Variants in LRRTM1 observed in about 807,000 individuals in gnomAD.
LRRTM1 encodes leucine-rich repeat transmembrane neuronal protein 1.
A neutral mutation model predicts 37.3 loss-of-function variants in LRRTM1; 8 were observed. The ratio of observed to expected loss-of-function variants is 0.21; its 90% CI spans 0.13 to 0.39. The LOEUF (loss-of-function observed/expected upper bound fraction) is 0.39, where lower values mean the gene tolerates loss of function less well. Among genes scored for constraint, LRRTM1 ranks in the 10% least tolerant of loss-of-function variants. The pLI, the probability that LRRTM1 is intolerant of heterozygous loss-of-function variation, is 1.00. For missense variants in LRRTM1, 557 were observed against 691.0 expected (o/e 0.81, Z 2.17); for synonymous variants, 326 against 316.8 (o/e 1.03, Z -0.31).
At chr2:80,290,955 A>C (rs1012440834) in intron 2 of LRRTM1, among the ~76,000 whole-genome samples, 2 of 152,318 alleles carry the variant, frequency 1.3e-5, no homozygotes, top group Non-Finnish European at 2.9e-5. Context: ...ATTCCCTGCT[A>C]GTATAGATTC....
chr2:80,291,813 G>A (rs1412133132), intron 2 of LRRTM1, among the ~76,000 whole-genome samples: 1 of 152,192 alleles, frequency 6.6e-6, no homozygotes, highest in East Asian at 1.9e-4. Flanking sequence ...AAAACTGGAA[G>A]ATGTGTGTGC....
chr2:80,294,370 C>T (rs1052065369), intron 2 of LRRTM1, among the ~76,000 whole-genome samples: 1 of 152,136 alleles, frequency 6.6e-6, no homozygotes, highest in African/African-American at 2.4e-5. Flanking sequence ...TCTATCAGTG[C>T]CACCAGATGG....
At chr2:80,294,644 T>A (rs115633619) in intron 2 of LRRTM1, among the ~76,000 whole-genome samples, 1,533 of 151,940 alleles carry the variant, frequency 0.01, 10 homozygotes, top group Middle Eastern at 0.027. Context: ...TTAAAAAAAA[T>A]AATAATAATA....
rs549451198 is a variant in LRRTM1, at chr2:80,292,906, C to CT, written c.*307-3712dup. Among the ~76,000 whole-genome samples, 90 of 152,058 alleles carry CT rather than the reference C, an allele frequency of 5.9e-4. No individual in the cohort carries two copies. The East Asian group carries it at 6.8e-3, about 11-fold the overall frequency. On this transcript the variant is annotated intron_variant and NMD_transcript_variant, in intron 2 of 2. Transcript: ENST00000417012. ...TTTTCTTTCCTACAGCATGTTTGCTCTTTTTTTTGTACCTTTATGATTTTT... is the reference window on the plus strand; with the variant it reads ...TTTTCTTTCCTACAGCATGTTTGCTCTTTTTTTTTGTACCTTTATGATTTTT...
chr2:80,290,439 A>C (rs1305905211), intron 2 of LRRTM1, among the ~76,000 whole-genome samples: 1 of 152,004 alleles, frequency 6.6e-6, no homozygotes, highest in Non-Finnish European at 1.5e-5. Context: ...AGAAAGTAAA[A>C]GCGTCATGAA....
At chr2:80,291,816 G>A (rs1210363006) in intron 2 of LRRTM1, among the ~76,000 whole-genome samples, 1 of 152,204 alleles carries the variant, frequency 6.6e-6, no homozygotes, top group African/African-American at 2.4e-5. Context: ...ACTGGAAGAT[G>A]TGTGTGCACA....
At chr2:80,301,792 T>TC (rs112468247), downstream of LRRTM1, 11,656 of 153,152 alleles carry the variant, frequency 0.076, 1,342 homozygotes, top group African/African-American at 0.25. Flanking sequence ...CCTGGACAAC[T>TC]CCCTCCCCAC....
At chr2:80,296,729 G>A (rs1483989800) in intron 2 of LRRTM1, among the ~76,000 whole-genome samples, 1 of 152,126 alleles carries the variant, frequency 6.6e-6, no homozygotes, top group Non-Finnish European at 1.5e-5. Context: ...GACATTTTAG[G>A]TCAAATAATT....
Position 80,303,073 on chromosome 2 carries a change from G to A in LRRTM1, c.747C>T (p.Val249=), listed in dbSNP as rs770677457. 6.2e-7 allele frequency: 1 copy of A among 1,614,016 alleles called. No homozygotes were observed. Among genetic ancestry groups the A allele is most frequent in the Non-Finnish European group, 8.5e-7 (1 of 1,180,026 alleles). The change falls in exon 2 of 2, where the codon GTC becomes GTT. Residue 249 remains valine, a synonymous_variant. Coordinates refer to ENST00000295057, the MANE Select transcript of LRRTM1 (RefSeq NM_178839.5). This position sits in a 1 kb window ranked among gnomAD's most constrained non-coding sequence, Gnocchi z 7.7. ...GGTTCCAAACCCAGTCCAGCGAGCT[G>A]ACCACAATGGCCACCTTGTTCCTCC... ...CLRRNKVAIV[V]SSLDWVWNLE...
In LRRTM1 at chr2:80,303,168, G is replaced by T. The variant is rs748585296; in HGVS notation, c.652C>A (p.His218Asn). ...AAGTTCACCTTGACCAAGTCGTTGT[G>T]CTCGAGGTGCAGCTCGGTGAGCTTA... is the stretch of plus-strand genomic sequence containing the variant. The part of the protein sequence containing the change: ...LFKLTELHLE[H>N]NDLVKVNFAH... The change falls in exon 2 of 2, where the codon CAC becomes AAC. Residue 218 changes from histidine to asparagine, a missense_variant. His to Asn is a moderately conservative substitution (Grantham distance 68, BLOSUM62 1). This residue lies in a region of LRRTM1 where 200 missense variants were observed against 249.9 expected (regional missense o/e 0.80). Coordinates refer to ENST00000295057, the MANE Select transcript of LRRTM1 (RefSeq NM_178839.5). The surrounding 1 kb of genome is among the most constrained non-coding windows in gnomAD (Gnocchi z 7.7). 3 of 1,614,098 alleles carry T rather than the reference G, an allele frequency of 1.9e-6. No homozygotes were observed. The highest frequency in any genetic ancestry group is 2.5e-6 in the Non-Finnish European group (3 of 1,179,998).
downstream of LRRTM1, among the ~76,000 whole-genome samples, chr2:80,297,122 G>A (rs1460591161): frequency 6.6e-6 from 1 of 152,174 alleles, no homozygotes; most frequent in Admixed American, 6.5e-5. Flanking sequence ...AGTGACCAGA[G>A]CAAACAAGTC....
At position 80,303,501 on chromosome 2, in the gene LRRTM1, C is replaced by G; in HGVS notation, c.319G>C (p.Asp107His). The G allele has an allele frequency of 2.5e-6, 4 of 1,614,222 alleles. No individual in the cohort carries two copies. Among genetic ancestry groups the G allele is most frequent in the Non-Finnish European group, 3.4e-6 (4 of 1,180,042 alleles). ...DHNHICSVQG[D>H]AFQKLRRVKE... ...ACTCGGCGCAGTTTCTGAAAGGCGTCCCCCTGCACGGAGCAGATGTGATTG... is the reference window on the plus strand; with the variant it reads ...ACTCGGCGCAGTTTCTGAAAGGCGTGCCCCTGCACGGAGCAGATGTGATTG... The change falls in exon 2 of 2, where the codon GAC becomes CAC. Residue 107 changes from aspartate (D) to histidine (H), a missense_variant. By Grantham distance (81) the Asp-to-His change is moderately conservative (BLOSUM62 -1). Coordinates refer to ENST00000295057, the MANE Select transcript of LRRTM1 (RefSeq NM_178839.5). The surrounding 1 kb of genome is among the most constrained non-coding windows in gnomAD (Gnocchi z 7.7).
chr2:80,303,073 G>T lies in LRRTM1; in HGVS notation c.747C>A (p.Val249=), dbSNP rs770677457. The change falls in exon 2 of 2, where the codon GTC becomes GTA. Residue 249 remains valine (V), a synonymous_variant. Transcript: ENST00000295057. The surrounding 1 kb of genome is among the most constrained non-coding windows in gnomAD (Gnocchi z 7.7). ...GGTTCCAAACCCAGTCCAGCGAGCT[G>T]ACCACAATGGCCACCTTGTTCCTCC... ...CLRRNKVAIV[V]SSLDWVWNLE... is the part of the protein sequence containing the mutation. 26 of 1,613,898 alleles carry T rather than the reference G, an allele frequency of 1.6e-5. No homozygotes were observed. Among genetic ancestry groups the T allele is most frequent in the Non-Finnish European group, 1.9e-5 (23 of 1,180,034 alleles).
At chr2:80,294,581 C>T (rs892589724) in intron 2 of LRRTM1, among the ~76,000 whole-genome samples, 5 of 151,980 alleles carry the variant, frequency 3.3e-5, no homozygotes, top group South Asian at 2.1e-4. Flanking sequence ...GTAGGCAACC[C>T]GCTAGCTCAG....
At chr2:80,293,815 G>A (rs1675481768) in intron 2 of LRRTM1, among the ~76,000 whole-genome samples, 2 of 152,290 alleles carry the variant, frequency 1.3e-5, no homozygotes, top group Admixed American at 6.5e-5. Flanking sequence ...TTGGTGTTAG[G>A]GGTATTTGGA....
downstream of LRRTM1, chr2:80,298,404 G>T (rs1675951001): frequency 6.6e-6 from 1 of 152,154 alleles, no homozygotes; most frequent in African/African-American, 2.4e-5. Flanking sequence ...AATTTTCTCT[G>T]TGAGAGGGGT....
At position 80,303,929 on chromosome 2, in the gene LRRTM1, G is replaced by C. The variant is rs890623666; in HGVS notation, c.-59-51C>G. ...GGGGAAGCGGGGGAGGGGGAGAAAA[G>C]GGCAAAAAATCAAATAAATACATAG... On this transcript the variant is annotated intron_variant, in intron 1 of 1. Transcript: ENST00000295057. This position sits in a 1 kb window ranked among gnomAD's most constrained non-coding sequence, Gnocchi z 7.7. 7.6e-7 allele frequency: 1 copy of C among 1,321,318 alleles called. No homozygotes were observed. Among genetic ancestry groups the C allele is most frequent in the African/African-American group, 1.5e-5 (1 of 67,158 alleles). The allele number at this position is 1,321,318 out of a possible 1,614,324, so 81.8% of individuals were successfully genotyped here.
Position 80,302,344 on chromosome 2 carries a change from G to A in LRRTM1, c.1476C>T (p.Tyr492=). ...GGGCTCCCTCAATGTGGTTCGGTTT[G>A]TAATCAACGTAGTATTCCTGGGCAG... ...AMSAQEYYVD[Y]KPNHIEGALV... The change falls in exon 2 of 2, where the codon TAC becomes TAT. Residue 492 remains tyrosine, a synonymous_variant. Transcript: ENST00000295057. The surrounding 1 kb of genome is among the most constrained non-coding windows in gnomAD (Gnocchi z 6.4). 6.2e-7 allele frequency: 1 copy of A among 1,614,232 alleles called. No homozygotes were observed. Among genetic ancestry groups the A allele is most frequent in the Non-Finnish European group, 8.5e-7 (1 of 1,180,034 alleles).
rs375698848 is a variant in LRRTM1 at position 80,294,192 on chromosome 2, C to A, written c.*307-4997G>T. On this transcript the variant is annotated intron_variant and NMD_transcript_variant, in intron 2 of 2. Coordinates refer to the LRRTM1 transcript ENST00000417012. ...CAATGACCTTGGGCAAGCTACTGAA[C>A]CTTTTCAGATTTGAGTCTTCTTGCC... 1.2e-4 allele frequency among the ~76,000 whole-genome samples: 18 copies of A among 152,214 alleles called. No homozygotes were observed. The East Asian group carries it at 2.3e-3, about 20-fold the overall frequency.
Sources: allele counts gnomAD v4.1 joint callset (sites outside exome capture counted in the v4.1 genomes callset), GRCh38; gene constraint gnomAD v4.1.1; regional missense constraint gnomAD v4.1.1; non-coding constraint Gnocchi (gnomAD v3.1); transcripts MANE v1.5; gene names NCBI Gene and HGNC (gene_info 2026-07-23, HGNC 2026-07-21).